CERK: variants seen among roughly 807,000 people sequenced by gnomAD.
The protein encoded by CERK is ceramide kinase.
In CERK, 39 loss-of-function variants were observed where a neutral mutation model predicts 63.4. The ratio of observed to expected loss-of-function variants is 0.61; its 90% CI spans 0.48 to 0.80. The LOEUF (loss-of-function observed/expected upper bound fraction) is 0.80, where lower values mean the gene tolerates loss of function less well. Among genes scored for constraint, CERK ranks in the 30% least tolerant of loss-of-function variants. The pLI, the probability that CERK is intolerant of heterozygous loss-of-function variation, is 0.00. For synonymous variants in CERK, 302 were observed against 280.0 expected (o/e 1.08, Z -0.78); for missense variants, 670 against 714.1 (o/e 0.94, Z 0.70).
At chr22:46,693,696 A>C in intron 9 of CERK, 193 bp from the exon 10 acceptor site, 1 of 528,376 alleles carries the variant, frequency 1.9e-6, no homozygotes, top group South Asian at 2.0e-5. Context: ...CACATTCAAC[A>C]TGTCCTTCTC....
intron 3 of CERK, among the ~76,000 whole-genome samples, chr22:46,718,130 G>A (rs924461678): frequency 1.3e-5 from 2 of 152,276 alleles, no homozygotes; most frequent in South Asian, 2.1e-4. Flanking sequence ...AACAGGGTTA[G>A]AAGTTAAAAT....
chr22:46,719,148 T>TTG (rs10583580), intron 3 of CERK, among the ~76,000 whole-genome samples: 4,752 of 149,976 alleles, frequency 0.032, 103 homozygotes, highest in Middle Eastern at 0.049. Context: ...ACCTACCACT[T>TTG]TGTGTGTGTG....
intron 2 of CERK, among the ~76,000 whole-genome samples, chr22:46,720,523 C>T (rs147865881): frequency 0.013 from 1,984 of 152,106 alleles, 23 homozygotes; most frequent in Non-Finnish European, 0.02. Flanking sequence ...GGTGAAACCC[C>T]GTCTTTACTT....
intron 2 of CERK, 69 bp downstream of exon 2, chr22:46,720,833 A>ACT: frequency 2.1e-6 from 2 of 962,584 alleles, no homozygotes. Context: ...AAGTAACAGA[A>ACT]AAGTTCCCTC....
intron 9 of CERK, among the ~76,000 whole-genome samples, chr22:46,694,091 T>G (rs1247466642): frequency 1.3e-5 from 2 of 152,144 alleles, no homozygotes; most frequent in Non-Finnish European, 2.9e-5. Context: ...CTACATATTC[T>G]GATTTTATGG....
intron 6 of CERK, among the ~76,000 whole-genome samples, chr22:46,706,495 T>C (rs6008954): frequency 0.33 from 49,666 of 152,032 alleles, 8,540 homozygotes; most frequent in Non-Finnish European, 0.38. Context: ...ATTGAGCTAT[T>C]TCTAAAGAAC....
Position 46,702,994 on chromosome 22 carries a change from C to T in CERK, c.716-1284G>A, listed in dbSNP as rs987704253. 3.2e-4 allele frequency among the ~76,000 whole-genome samples: 48 copies of T among 152,248 alleles called. 2 individuals carry two copies. Among genetic ancestry groups the T allele is most frequent in the Admixed American group, 2.8e-3 (43 of 15,294 alleles). The stretch of plus-strand genomic sequence containing the variant: ...CATGCTCCCGTTCACGCGAGAAGGA[C>T]GGGGCTCCAGGGGGGTTGCTCCCAG... On this transcript the variant is annotated intron_variant, in intron 6 of 12. Coordinates refer to ENST00000216264, the MANE Select transcript of CERK (RefSeq NM_022766.6).
At chr22:46,730,420 CA>C (rs563330280) in intron 1 of CERK, among the ~76,000 whole-genome samples, 8 of 145,260 alleles carry the variant, frequency 5.5e-5, no homozygotes, top group East Asian at 2.0e-4. Context: ...CAGTCTATCT[CA>C]AAAAAAAAAG....
chr22:46,687,148 C>A lies in CERK; in HGVS notation c.1600G>T (p.Asp534Tyr). Residue 534 changes from aspartate (D) to tyrosine (Y), a missense_variant, in exon 13 of 13, where the codon GAC becomes TAC. Transcript: ENST00000216264. ...ACGCCGGCTTCTCAGCTGTGTGAGT[C>A]TGGCTTCGGATTCTCTTCAATTCCT... ...ARGIEENPKP[D>Y]SHS 1 of 1,614,196 alleles carries A rather than the reference C, an allele frequency of 6.2e-7. No homozygotes were observed. The highest frequency in any genetic ancestry group is 8.5e-7 in the Non-Finnish European group (1 of 1,180,036).
intron 4 of CERK, 145 bp downstream of exon 4, chr22:46,712,023 G>T (rs2082843515): frequency 1.2e-6 from 1 of 810,010 alleles, no homozygotes; most frequent in Admixed American, 2.7e-5. Context: ...GGAGGCTGAG[G>T]TTACAGTGAC....
rs2748348 is a variant in CERK, at chr22:46,685,958, A to C, written c.*1176T>G. 2.0e-5 allele frequency: 3 copies of C among 151,934 alleles called. No individual in the cohort carries two copies. Among genetic ancestry groups the C allele is most frequent in the Non-Finnish European group, 4.4e-5 (3 of 67,974 alleles). The allele number at this position is 151,934 out of a possible 1,614,324, so 9.4% of individuals were successfully genotyped here. On this transcript the variant is annotated 3_prime_UTR_variant, in exon 13 of 13. Coordinates refer to ENST00000216264, the MANE Select transcript of CERK (RefSeq NM_022766.6). The stretch of plus-strand genomic sequence containing the variant: ...ATATTCTCATATTTCAAACAAAACT[A>C]CGTTACAGACATCATCTACGTGGGC...
intron 1 of CERK, among the ~76,000 whole-genome samples, chr22:46,724,810 G>A (rs2082909776): frequency 6.6e-6 from 1 of 152,140 alleles, no homozygotes; most frequent in South Asian, 2.1e-4. Flanking sequence ...ACGAGGTCAG[G>A]AGATCGAGAC....
At chr22:46,720,773 A>C in intron 2 of CERK, 129 bp downstream of exon 2, 1 of 593,538 alleles carries the variant, frequency 1.7e-6, no homozygotes, top group Non-Finnish European at 3.0e-6. Context: ...TTTGGGGAAA[A>C]AAATAGGAAG....
At chr22:46,695,049 C>T (rs930437511) in intron 9 of CERK, among the ~76,000 whole-genome samples, 161 bp downstream of exon 9, 1 of 152,230 alleles carries the variant, frequency 6.6e-6, no homozygotes, top group Non-Finnish European at 1.5e-5. Context: ...AAGCCCCATG[C>T]ACGCCTAGGC....
At chr22:46,710,202 G>T (rs565881591) in intron 5 of CERK, among the ~76,000 whole-genome samples, 3 of 152,182 alleles carry the variant, frequency 2.0e-5, no homozygotes, top group African/African-American at 4.8e-5. Flanking sequence ...GCTGAGGCGG[G>T]TCGCGTGGAT....
At chr22:46,731,094 G>A (rs1480032278) in intron 1 of CERK, among the ~76,000 whole-genome samples, 1 of 152,264 alleles carries the variant, frequency 6.6e-6, no homozygotes, top group African/African-American at 2.4e-5. Flanking sequence ...AGGCCACGCA[G>A]GAAGCTGGAA....
chr22:46,711,062 G>A (rs2082838294), intron 5 of CERK, 24 bp downstream of exon 5: 1 of 1,596,842 alleles, frequency 6.3e-7, no homozygotes, highest in Non-Finnish European at 8.6e-7. Flanking sequence ...TGGACTTGAT[G>A]GCGATGAAAG....
intron 1 of CERK, among the ~76,000 whole-genome samples, chr22:46,735,803 A>G (rs1467455918): frequency 1.3e-5 from 2 of 152,196 alleles, no homozygotes; most frequent in East Asian, 3.8e-4. Context: ...CTTCTGCCCT[A>G]CTATGGCCCT....
intron 11 of CERK, 132 bp from the exon 12 acceptor site, chr22:46,690,332 A>G (rs2082724267): frequency 1.5e-6 from 1 of 649,198 alleles, no homozygotes; most frequent in Non-Finnish European, 2.6e-6. Flanking sequence ...GGAGGATGCG[A>G]CTGCTTGTGC....
Sources: gnomAD v4.1 joint callset for allele counts (sites outside exome capture counted in the v4.1 genomes callset) on GRCh38, gnomAD v4.1.1 for gene constraint, MANE v1.5 for transcripts, NCBI Gene and HGNC (gene_info 2026-07-23, HGNC 2026-07-21) for gene names.